PCDHA6: variants seen among roughly 807,000 people sequenced by gnomAD.
PCDHA6 encodes the protein protocadherin alpha-6.
In PCDHA6, 55 loss-of-function variants were observed where a neutral mutation model predicts 60.3. That is an observed-to-expected ratio of 0.91 (90% CI 0.73 to 1.14). The LOEUF (loss-of-function observed/expected upper bound fraction) is 1.14, where lower values mean the gene tolerates loss of function less well. PCDHA6 is among the 50% of genes most tolerant of loss of function. The pLI, the probability that PCDHA6 is intolerant of heterozygous loss-of-function variation, is 0.00. For missense variants in PCDHA6, 1,327 were observed against 1,256.5 expected, an observed-to-expected ratio of 1.06 and a Z score of -0.85; for synonymous variants, 652 against 557.9, an observed-to-expected ratio of 1.17 and a Z score of -2.38.
At chr5:140,920,084 T>C (rs2079442648) in intron 1 of PCDHA6, among the ~76,000 whole-genome samples, 1 of 152,196 alleles carries the variant, frequency 6.6e-6, no homozygotes, top group Non-Finnish European at 1.5e-5. Context: ...AGATTCTCCG[T>C]AGAGCCTCTA....
intron 1 of PCDHA6, chr5:140,857,401 G>C: frequency 1.9e-6 from 3 of 1,598,170 alleles, no homozygotes; most frequent in Non-Finnish European, 2.6e-6. Flanking sequence ...ACGACAACGC[G>C]CCTGCGTTCG....
At chr5:140,981,378 A>G (rs1386165836) in intron 2 of PCDHA6, among the ~76,000 whole-genome samples, 3 of 152,186 alleles carry the variant, frequency 2.0e-5, no homozygotes, top group Non-Finnish European at 4.4e-5. Flanking sequence ...GTTCAAGACC[A>G]GCCTGGTCAA....
intron 3 of PCDHA6, among the ~76,000 whole-genome samples, chr5:140,997,400 G>A (rs1554255862): frequency 3.3e-5 from 5 of 152,056 alleles, no homozygotes; most frequent in Admixed American, 1.3e-4. Context: ...AGGCTCTATC[G>A]TATGGCCTAT....
intron 1 of PCDHA6, chr5:140,841,595 C>T (rs2150318765): frequency 2.5e-6 from 4 of 1,614,060 alleles, no homozygotes; most frequent in East Asian, 2.2e-5. Flanking sequence ...TCGGATCGAC[C>T]GCGAGGAGCT....
At chr5:140,862,122 G>A (rs2047215545) in intron 1 of PCDHA6, 2 of 161,786 alleles carry the variant, frequency 1.2e-5, no homozygotes, top group Admixed American at 5.7e-5. Flanking sequence ...ATAAATAAAT[G>A]TAAAGATAGG....
intron 3 of PCDHA6, among the ~76,000 whole-genome samples, chr5:141,007,967 G>A (rs1191510244): frequency 6.6e-6 from 1 of 152,176 alleles, no homozygotes; most frequent in Admixed American, 6.5e-5. Flanking sequence ...TTCTCTGGGT[G>A]TCTGTCATGT....
intron 1 of PCDHA6, chr5:140,968,462 A>G: frequency 6.2e-7 from 1 of 1,614,104 alleles, no homozygotes; most frequent in African/African-American, 1.3e-5. Flanking sequence ...TGTGACTGCC[A>G]ACGTATATGT....
chr5:140,848,247 T>C (rs1581144938), intron 1 of PCDHA6: 2 of 456,006 alleles, frequency 4.4e-6, no homozygotes, highest in East Asian at 3.3e-5. Flanking sequence ...TTTTGCAGAA[T>C]AACTGTGAAA....
intron 3 of PCDHA6, among the ~76,000 whole-genome samples, chr5:141,002,446 G>T (rs1456078562): frequency 1.3e-5 from 2 of 152,156 alleles, no homozygotes; most frequent in Admixed American, 6.5e-5. Context: ...ATAATAATTG[G>T]CACATTTGTA....
rs2150490621 is a variant in PCDHA6 at position 140,850,594 on chromosome 5, T to C, written c.2394+20109T>C. The C allele has an allele frequency of 2.5e-6, 4 of 1,598,338 alleles. No individual in the cohort carries two copies. In the East Asian group the frequency reaches 8.9e-5, roughly 36 times the overall value. The stretch of plus-strand genomic sequence containing the variant: ...ACGCTGGTGGATGTCAACGTGTACC[T>C]GATCATCGCCATCTGCGCGGTGTCT... On this transcript the variant is annotated intron_variant, in intron 1 of 3. Coordinates refer to ENST00000529310, the MANE Select transcript of PCDHA6 (RefSeq NM_018909.4).
chr5:140,927,460 G>A, intron 1 of PCDHA6: 2 of 1,614,148 alleles, frequency 1.2e-6, no homozygotes, highest in South Asian at 1.1e-5. Context: ...GTTGGAGAAA[G>A]CACTGGATCG....
At chr5:140,834,245 T>C in intron 1 of PCDHA6, 2 of 872,198 alleles carry the variant, frequency 2.3e-6, no homozygotes, top group Non-Finnish European at 3.5e-6. Flanking sequence ...CTTTTCGCAC[T>C]GGAAAGACGC....
At chr5:140,982,417 GA>G (rs1554244117) in intron 2 of PCDHA6, 57 bp from the exon 3 acceptor site, 1 of 1,610,428 alleles carries the variant, frequency 6.2e-7, no homozygotes, top group African/African-American at 1.3e-5. Flanking sequence ...GAGGGTGGAA[GA>G]AGAGATGGGA....
At chr5:140,843,295 G>T in intron 1 of PCDHA6, 1 of 1,595,950 alleles carries the variant, frequency 6.3e-7, no homozygotes, top group African/African-American at 1.3e-5. Flanking sequence ...GTGAACCTGC[G>T]CTGACCGCCA....
rs180683275 is a variant in PCDHA6 at position 140,985,540 on chromosome 5, T to C, written c.2542+2977T>C. 7.6e-3 allele frequency among the ~76,000 whole-genome samples: 1,162 copies of C among 152,268 alleles called. 7 individuals are homozygous for C. The highest frequency in any genetic ancestry group is 0.012 in the Non-Finnish European group (785 of 68,010). On this transcript the variant is annotated intron_variant, in intron 3 of 3. Coordinates refer to ENST00000529310, the MANE Select transcript of PCDHA6 (RefSeq NM_018909.4). ...TGCCCTTAAAGCTTCACGGTGAAGATGCAGTTGCTTCCAAAAGGCTTCTTT... is the reference window on the plus strand; with the variant it reads ...TGCCCTTAAAGCTTCACGGTGAAGACGCAGTTGCTTCCAAAAGGCTTCTTT...
chr5:140,961,915 G>T (rs1393178053), intron 1 of PCDHA6, among the ~76,000 whole-genome samples: 4 of 146,912 alleles, frequency 2.7e-5, no homozygotes, highest in Non-Finnish European at 4.5e-5. Context: ...ATGGAGTCTC[G>T]CTCTGTTGCC....
intron 1 of PCDHA6, 27 bp from the exon 2 acceptor site, chr5:140,978,922 C>G: frequency 6.2e-7 from 1 of 1,613,966 alleles, no homozygotes; most frequent in Non-Finnish European, 8.5e-7. Context: ...GTCATTTTAA[C>G]AGAAAACTCT....
chr5:140,864,844 C>T (rs894176807), intron 1 of PCDHA6: 3 of 152,100 alleles, frequency 2.0e-5, no homozygotes, highest in Admixed American at 2.0e-4. Context: ...AGAGAGTCTT[C>T]CCATACATGA....
intron 1 of PCDHA6, chr5:140,884,142 G>A (rs782033390): frequency 5.6e-6 from 9 of 1,613,298 alleles, no homozygotes; most frequent in African/African-American, 1.3e-5. Flanking sequence ...TTCCGCGTGG[G>A]GCTGTACACT....
Sources: allele counts gnomAD v4.1 joint callset (sites outside exome capture counted in the v4.1 genomes callset), GRCh38; gene constraint gnomAD v4.1.1; transcripts MANE v1.5; gene names NCBI Gene and HGNC (gene_info 2026-07-23, HGNC 2026-07-21).